DNM2: variants seen among roughly 807,000 people sequenced by gnomAD.
The protein encoded by DNM2 is dynamin-2.
Under a neutral mutation model 99.0 loss-of-function variants are expected in DNM2, and 15 were observed. The ratio of observed to expected loss-of-function variants is 0.15; its 90% CI spans 0.10 to 0.23. The LOEUF is 0.23. Ranked by LOEUF, DNM2 falls within the 10% of genes least tolerant of loss-of-function variation. The pLI is 1.00. For missense variants in DNM2, 742 were observed against 1,189.4 expected, an observed-to-expected ratio of 0.62 and a Z score of 5.53; for synonymous variants, 525 against 481.2, an observed-to-expected ratio of 1.09 and a Z score of -1.19.
rs750088753 is a variant in DNM2, at chr19:10,772,579, C to A, written c.336C>A (p.Asn112Lys). ...EAETDRVTGT[N>K]KGISPVPINL... ...AGACCGACAGGGTCACGGGGACCAA[C>A]AAAGGCATCTCCCCAGTGCCCATCA... The change falls in exon 3 of 21, where the codon AAC (asparagine) becomes AAA (lysine). Residue 112 changes from asparagine (N) to lysine (K), a missense_variant. Around this residue, in one of 7 missense-constraint regions of DNM2, gnomAD observed 192 missense variants for 358.9 expected, o/e 0.54. Coordinates refer to ENST00000389253, the MANE Select transcript of DNM2 (RefSeq NM_001005361.3). This position sits in a 1 kb window ranked among gnomAD's most constrained non-coding sequence, Gnocchi z 4.9. 6.2e-7 allele frequency: 1 copy of A among 1,614,196 alleles called. No homozygotes were observed. The highest frequency in any genetic ancestry group is 2.2e-5 in the East Asian group (1 of 44,882).
chr19:10,821,511 G>A (rs1051844069), intron 16 of DNM2, among the ~76,000 whole-genome samples: 2 of 152,010 alleles, frequency 1.3e-5, no homozygotes, highest in Non-Finnish European at 2.9e-5. Flanking sequence ...CGAGCTCTGC[G>A]GTGGGACAGG....
At chr19:10,750,943 T>C (rs2070171457) in intron 1 of DNM2, among the ~76,000 whole-genome samples, 1 of 151,614 alleles carries the variant, frequency 6.6e-6, no homozygotes. Flanking sequence ...GTGCATCTCC[T>C]GTGTGCCAGC....
intron 1 of DNM2, among the ~76,000 whole-genome samples, chr19:10,728,652 G>A (rs1350356864): frequency 6.6e-6 from 1 of 152,116 alleles, no homozygotes; most frequent in Non-Finnish European, 1.5e-5. Context: ...AGTTAAATGA[G>A]CAAGAACATT....
rs1396798061 is a variant in DNM2 at position 10,726,347 on chromosome 19, C to T, written c.161+7944C>T. On this transcript the variant is annotated intron_variant, in intron 1 of 20. Transcript: ENST00000389253. ...AAGTGGTGGAATTACAGGTGTGAGC[C>T]GCCGAACCCGGCCTTAGTTTCTTTT... Among the ~76,000 whole-genome samples the T allele has an allele frequency of 3.9e-5, 6 of 152,068 alleles. No individual in the cohort carries two copies. The South Asian group carries it at 6.2e-4, about 16-fold the overall frequency.
intron 18 of DNM2, among the ~76,000 whole-genome samples, chr19:10,827,605 C>T (rs977928447): frequency 6.6e-6 from 1 of 151,838 alleles, no homozygotes; most frequent in South Asian, 2.1e-4. Context: ...GGTGTGGTGG[C>T]TCATGCCTGT....
Position 10,795,696 on chromosome 19 carries a change from C to T in DNM2, c.1196+257C>T, listed in dbSNP as rs1426200203. 6.8e-6 allele frequency: 4 copies of T among 586,910 alleles called. No individual in the cohort carries two copies. Among genetic ancestry groups the T allele is most frequent in the East Asian group, 5.8e-5 (2 of 34,358 alleles). 36.4% of individuals were successfully genotyped at this position (586,910 alleles called of 1,614,324 possible). A position where few individuals can be genotyped will look rare whatever the true frequency, so the allele number is the denominator to read the frequency against. On this transcript the variant is annotated intron_variant, in intron 9 of 20. Transcript: ENST00000389253. This position sits in a 1 kb window ranked among gnomAD's most constrained non-coding sequence, Gnocchi z 4.2. ...AAATAGGGCTTAGTTCCTGCCCAGT[C>T]GGTTGGTGTGAACCTCATGCTAAAC...
Position 10,796,649 on chromosome 19 carries a change from G to A in DNM2, c.1197-731G>A, listed in dbSNP as rs1279029409. Among the ~76,000 whole-genome samples the A allele has an allele frequency of 6.6e-6, 1 of 152,120 alleles. No homozygotes were observed. Among genetic ancestry groups the A allele is most frequent in the Non-Finnish European group, 1.5e-5 (1 of 68,012 alleles). ...ACCGACTTCTCTGTCCCTCAGCTCC[G>A]GGAATGGCCTGAATGCCAGCGACAT... On this transcript the variant is annotated intron_variant, in intron 9 of 20. Transcript: ENST00000389253. The surrounding 1 kb of genome is among the most constrained non-coding windows in gnomAD (Gnocchi z 5.6).
chr19:10,805,765 T>A, intron 12 of DNM2, 151 bp from the exon 13 acceptor site: 1 of 904,774 alleles, frequency 1.1e-6, no homozygotes, highest in Non-Finnish European at 1.8e-6. Flanking sequence ...CCGTTTCCCT[T>A]GCGCAGCTCT....
intron 1 of DNM2, among the ~76,000 whole-genome samples, chr19:10,746,034 C>T (rs2069953957): frequency 6.6e-6 from 1 of 152,232 alleles, no homozygotes. Flanking sequence ...TCTTGGCTCA[C>T]TGCAACCTCT....
chr19:10,728,997 T>A (rs1330706280), intron 1 of DNM2, among the ~76,000 whole-genome samples: 2 of 146,460 alleles, frequency 1.4e-5, no homozygotes, highest in Non-Finnish European at 3.0e-5. Flanking sequence ...CCCAACACTT[T>A]GGGAGGCTGA....
rs373530994 is a variant in DNM2 at position 10,831,072 on chromosome 19, G to T, written c.*25G>T. 3 of 1,583,214 alleles carry T rather than the reference G, an allele frequency of 1.9e-6. No homozygotes were observed. The highest frequency in any genetic ancestry group is 1.3e-5 in the African/African-American group (1 of 74,256). Reference sequence around the variant, plus strand: ...GGCCTCGAGGGGGGCGTGCTCTCGGGGGGGCCTCACGCACCCGCGGCGCAG... The same window carrying T: ...GGCCTCGAGGGGGGCGTGCTCTCGGTGGGGCCTCACGCACCCGCGGCGCAG... On this transcript the variant is annotated 3_prime_UTR_variant, in exon 21 of 21. Transcript: ENST00000389253. This position sits in a 1 kb window ranked among gnomAD's most constrained non-coding sequence, Gnocchi z 4.3.
At chr19:10,763,605 CGAGCCCAGCCTGT>C (rs2070705566) in intron 2 of DNM2, 1 of 152,388 alleles carries the variant, frequency 6.6e-6, no homozygotes, top group Admixed American at 6.6e-5. Flanking sequence ...TCCCAGCCCC[CGAGCCCAGCCTGT>C]GAGTGTCTGT....
At chr19:10,784,692 G>C (rs1377553233) in intron 6 of DNM2, among the ~76,000 whole-genome samples, 3 of 152,144 alleles carry the variant, frequency 2.0e-5, no homozygotes, top group Non-Finnish European at 4.4e-5. Context: ...AGGGCTGCAG[G>C]GCAGGGACCC....
rs954596353 is a variant in DNM2 at position 10,817,101 on chromosome 19, C to T, written c.1672-2879C>T. ...ATCCCAGCAGGGACCCTTGGAGTCA[C>T]ACACGTGGCAGCCACCCCTGAGGAG... On this transcript the variant is annotated intron_variant, in intron 15 of 20. Coordinates refer to ENST00000389253, the MANE Select transcript of DNM2 (RefSeq NM_001005361.3). The surrounding 1 kb of genome is among the most constrained non-coding windows in gnomAD (Gnocchi z 4.6). Among the ~76,000 whole-genome samples the T allele has an allele frequency of 7.2e-5, 11 of 152,240 alleles. No homozygotes were observed. The highest frequency in any genetic ancestry group is 1.0e-4 in the Non-Finnish European group (7 of 68,036).
rs1324140428 is a variant in DNM2 at position 10,764,377 on chromosome 19, G to T, written c.235+4566G>T. Among the ~76,000 whole-genome samples the T allele has an allele frequency of 6.6e-6, 1 of 152,180 alleles. No homozygotes were observed. Among genetic ancestry groups the T allele is most frequent in the East Asian group, 1.9e-4 (1 of 5,184 alleles). ...CAGCCCACGTTCCCCTCTGGTTCCC[G>T]CAGCTTGCCCTCATTCCAGCCATCC... On this transcript the variant is annotated intron_variant, in intron 2 of 20. Coordinates refer to ENST00000389253, the MANE Select transcript of DNM2 (RefSeq NM_001005361.3). This position sits in a 1 kb window ranked among gnomAD's most constrained non-coding sequence, Gnocchi z 4.1.
Position 10,820,591 on chromosome 19 carries a change from G to A in DNM2, c.1781+502G>A, listed in dbSNP as rs760758227. On this transcript the variant is annotated intron_variant, in intron 16 of 20. Transcript: ENST00000389253. The surrounding 1 kb of genome is among the most constrained non-coding windows in gnomAD (Gnocchi z 4.3). ...ACCAATTGTGACCCTGAGTACGTGGGCCTGAGCTCCTGCACTGCCCAGCTG... is the reference window on the plus strand; with the variant it reads ...ACCAATTGTGACCCTGAGTACGTGGACCTGAGCTCCTGCACTGCCCAGCTG... 3.3e-5 allele frequency among the ~76,000 whole-genome samples: 5 copies of A among 152,216 alleles called. No homozygotes were observed. Among genetic ancestry groups the A allele is most frequent in the Non-Finnish European group, 5.9e-5 (4 of 68,028 alleles).
chr19:10,825,923 A>G (rs1320173033), intron 18 of DNM2, among the ~76,000 whole-genome samples: 1 of 148,294 alleles, frequency 6.7e-6, no homozygotes. Context: ...TAGTCTTAGC[A>G]CTTTGGGAGG....
At chr19:10,731,812 A>G (rs1599432963) in intron 1 of DNM2, among the ~76,000 whole-genome samples, 1 of 152,332 alleles carries the variant, frequency 6.6e-6, no homozygotes, top group Admixed American at 6.5e-5. Flanking sequence ...AGCCAGTCAG[A>G]CGGAAGCCCG....
rs976221034 is a variant in DNM2 at position 10,817,537 on chromosome 19, C to G, written c.1672-2443C>G. 3.9e-5 allele frequency: 17 copies of G among 431,658 alleles called. No homozygotes were observed. The highest frequency in any genetic ancestry group is 8.0e-5 in the Non-Finnish European group (17 of 211,580). The allele number at this position is 431,658 out of a possible 1,614,324, so 26.7% of individuals were successfully genotyped here. On this transcript the variant is annotated intron_variant, in intron 15 of 20. Transcript: ENST00000389253. This position sits in a 1 kb window ranked among gnomAD's most constrained non-coding sequence, Gnocchi z 4.6. ...TCCTGCAGAACCCCCCAGGCAGACG[C>G]TGGGGCCACCAGGCCAGGCCGTGCC... is the stretch of plus-strand genomic sequence containing the variant.
Sources: allele counts gnomAD v4.1 joint callset (sites outside exome capture counted in the v4.1 genomes callset), GRCh38; gene constraint gnomAD v4.1.1; regional missense constraint gnomAD v4.1.1; non-coding constraint Gnocchi (gnomAD v3.1); transcripts MANE v1.5; gene names NCBI Gene and HGNC (gene_info 2026-07-23, HGNC 2026-07-21).